Variants in ADAM7 observed in about 807,000 individuals in gnomAD.
ADAM7 encodes disintegrin and metalloproteinase domain-containing protein 7.
ADAM7 carries 97 observed loss-of-function variants against 102.9 expected under a neutral mutation model. The observed-to-expected ratio is 0.94, with a 90% confidence interval of 0.80 to 1.12. The LOEUF is 1.12. ADAM7 is among the 50% of genes most tolerant of loss of function. ADAM7 has a pLI of 0.00. For synonymous variants in ADAM7, 334 were observed against 304.4 expected, an observed-to-expected ratio of 1.10 and a Z score of -1.01; for missense variants, 991 against 908.7, an observed-to-expected ratio of 1.09 and a Z score of -1.16.
chr8:24,492,535 A>G lies in ADAM7; in HGVS notation c.1593A>G (p.Thr531=). 1 of 1,613,120 alleles carries G rather than the reference A, an allele frequency of 6.2e-7. No individual in the cohort carries two copies. The highest frequency in any genetic ancestry group is 8.5e-7 in the Non-Finnish European group (1 of 1,179,412). The change falls in exon 15 of 22, where the codon ACA becomes ACG. Residue 531 remains threonine (T), a synonymous_variant. Transcript: ENST00000175238. Reference sequence around the variant, plus strand: ...ATGATATCTGCTACAAGATGAATACAAAAGGAAATAAATTTGGATACTGCA... The same window carrying G: ...ATGATATCTGCTACAAGATGAATACGAAAGGAAATAAATTTGGATACTGCA... ...ESHDICYKMN[T]KGNKFGYCKN...
intron 7 of ADAM7, 42 bp downstream of exon 7, chr8:24,468,862 T>C (rs1196978095): frequency 1.6e-5 from 24 of 1,547,448 alleles, no homozygotes; most frequent in Non-Finnish European, 2.1e-5. Flanking sequence ...TTCTTCCTTT[T>C]GGAACTTGTA....
chr8:24,451,918 A>T (rs1412683543), intron 3 of ADAM7, among the ~76,000 whole-genome samples: 1 of 151,052 alleles, frequency 6.6e-6, no homozygotes, highest in Non-Finnish European at 1.5e-5. Context: ...CCCAGTAGTC[A>T]TTCAGGAGCA....
chr8:24,483,579 T>C (rs1192738898), intron 9 of ADAM7, among the ~76,000 whole-genome samples: 2 of 152,136 alleles, frequency 1.3e-5, no homozygotes, highest in Non-Finnish European at 2.9e-5. Flanking sequence ...TTAATGAGAG[T>C]GCATCAGACC....
At chr8:24,441,614 T>C (rs1818375491) in intron 1 of ADAM7, among the ~76,000 whole-genome samples, 1 of 152,222 alleles carries the variant, frequency 6.6e-6, no homozygotes, top group South Asian at 2.1e-4. Flanking sequence ...TTTATTGCTC[T>C]TTAAGTATCA....
At chr8:24,456,583 G>C (rs1819042311) in intron 3 of ADAM7, among the ~76,000 whole-genome samples, 2 of 150,602 alleles carry the variant, frequency 1.3e-5, no homozygotes. Flanking sequence ...ACTCAGAAAA[G>C]TTCTTCATGC....
chr8:24,506,301 C>T, intron 20 of ADAM7: 1 of 681,500 alleles, frequency 1.5e-6, no homozygotes, highest in South Asian at 1.9e-5. Flanking sequence ...AAATGGGACA[C>T]TCTGACACTC....
chr8:24,473,593 G>T (rs550993886), intron 7 of ADAM7, among the ~76,000 whole-genome samples: 1 of 152,106 alleles, frequency 6.6e-6, no homozygotes, highest in Admixed American at 6.6e-5. Context: ...CTTATAAAAA[G>T]ATATAGATAC....
intron 7 of ADAM7, among the ~76,000 whole-genome samples, chr8:24,469,039 T>C (rs1383500241): frequency 2.6e-5 from 4 of 151,984 alleles, no homozygotes; most frequent in Non-Finnish European, 5.9e-5. Context: ...TAAGAACATA[T>C]GGAAATGCTG....
chr8:24,453,040 C>A (rs978867805), intron 3 of ADAM7, among the ~76,000 whole-genome samples: 38 of 150,132 alleles, frequency 2.5e-4, no homozygotes, highest in African/African-American at 9.2e-4. Flanking sequence ...TGATGGGCTT[C>A]CCTTTGAGGG....
chr8:24,450,367 T>C (rs1818735577), intron 3 of ADAM7, among the ~76,000 whole-genome samples: 1 of 152,186 alleles, frequency 6.6e-6, no homozygotes, highest in African/African-American at 2.4e-5. Context: ...GTCCTTCACG[T>C]CCCTTGTAAG....
Position 24,457,861 on chromosome 8 carries a change from TGA to T in ADAM7, c.234-6019_234-6018del, listed in dbSNP as rs1554538192. ...AAATTTGTGTATGTGCATATGTGTG[TGA>T]GTGTGTGTGTGTGTGTGTGTGTGTG... On this transcript the variant is annotated intron_variant, in intron 3 of 21. Transcript: ENST00000175238. Among the ~76,000 whole-genome samples, 1,207 of 121,164 alleles carry T rather than the reference TGA, an allele frequency of 1.0e-2. 13 individuals are homozygous for T. The highest frequency in any genetic ancestry group is 0.031 in the Admixed American group (392 of 12,684). 79.5% of individuals were successfully genotyped at this position (121,164 alleles called of 152,430 possible).
chr8:24,485,252 G>C, intron 9 of ADAM7, 25 bp from the exon 10 acceptor site: 1 of 1,600,122 alleles, frequency 6.2e-7, no homozygotes, highest in Middle Eastern at 1.7e-4. Context: ...TCAGATTGAA[G>C]ACTATTTTTG....
chr8:24,504,007 C>T (rs944744334), intron 20 of ADAM7, among the ~76,000 whole-genome samples: 1 of 150,520 alleles, frequency 6.6e-6, no homozygotes, highest in African/African-American at 2.5e-5. Context: ...CACATGTATC[C>T]CTGAACTTCA....
In ADAM7 at chr8:24,465,732, G is replaced by T. The variant is rs940085461; in HGVS notation, c.346G>T (p.Glu116Ter). Residue 116 changes from glutamate (E) to a stop codon, truncating the protein, a stop_gained, in exon 5 of 22, where the codon GAA (glutamate) becomes TAA (stop). Coordinates refer to ENST00000175238, the MANE Select transcript of ADAM7 (RefSeq NM_003817.4). LOFTEE classifies it high-confidence loss of function. ...TTTTTACCAAGGATCCATAGTACACGAATATGATTCAGCTGCCAGTATCAG... is the reference window on the plus strand; with the variant it reads ...TTTTTACCAAGGATCCATAGTACACTAATATGATTCAGCTGCCAGTATCAG... ...HCFYQGSIVH[E>*]YDSAASISTC... is the part of the protein sequence containing the mutation. The T allele has an allele frequency of 6.2e-7, 1 of 1,610,654 alleles. No homozygotes were observed. Among genetic ancestry groups the T allele is most frequent in the Admixed American group, 1.7e-5 (1 of 59,786 alleles).
chr8:24,473,533 T>G (rs955423832), intron 7 of ADAM7, among the ~76,000 whole-genome samples: 14 of 152,160 alleles, frequency 9.2e-5, no homozygotes, highest in African/African-American at 3.4e-4. Flanking sequence ...TTTTCATGTC[T>G]CAAGCAAAGT....
At chr8:24,501,277 C>G (rs1820750931) in intron 19 of ADAM7, among the ~76,000 whole-genome samples, 200 bp from the exon 20 acceptor site, 1 of 152,068 alleles carries the variant, frequency 6.6e-6, no homozygotes, top group South Asian at 2.1e-4. Context: ...CATCAAGAAT[C>G]AGGTGACATC....
At chr8:24,485,415 A>G in intron 10 of ADAM7, 54 bp downstream of exon 10, 1 of 1,529,904 alleles carries the variant, frequency 6.5e-7, no homozygotes, top group Non-Finnish European at 9.0e-7. Flanking sequence ...AATTGTTGTA[A>G]TGTCCTGGGT....
intron 12 of ADAM7, 83 bp from the exon 13 acceptor site, chr8:24,490,716 C>G (rs770562746): frequency 3.7e-4 from 507 of 1,367,522 alleles, no homozygotes; most frequent in Non-Finnish European, 5.0e-4. Context: ...TATCAGAATC[C>G]ACAGAAGCAC....
At chr8:24,485,909 T>C (rs907857069) in intron 10 of ADAM7, among the ~76,000 whole-genome samples, 3 of 152,232 alleles carry the variant, frequency 2.0e-5, no homozygotes, top group African/African-American at 7.2e-5. Flanking sequence ...CGAAGGTTTC[T>C]ATTTATTTTC....
Sources: gnomAD v4.1 joint callset for allele counts (sites outside exome capture counted in the v4.1 genomes callset) on GRCh38, gnomAD v4.1.1 for gene constraint, MANE v1.5 for transcripts, NCBI Gene and HGNC (gene_info 2026-07-23, HGNC 2026-07-21) for gene names.